ZNF385B: variants seen among roughly 807,000 people sequenced by gnomAD.
ZNF385B encodes the protein zinc finger protein 533.
A neutral mutation model predicts 39.2 loss-of-function variants in ZNF385B; 23 were observed. That is an observed-to-expected ratio of 0.59 (90% CI 0.42 to 0.83). The LOEUF is 0.83. Ranked by LOEUF, ZNF385B falls within the 40% of genes least tolerant of loss-of-function variation. The probability of loss-of-function intolerance (pLI) is 0.00; values close to 1 mark genes in which losing one functional copy is unlikely to be tolerated. For missense variants in ZNF385B, 552 were observed against 598.9 expected, an observed-to-expected ratio of 0.92 and a Z score of 0.82; for synonymous variants, 205 against 222.6, an observed-to-expected ratio of 0.92 and a Z score of 0.70.
intron 3 of ZNF385B, among the ~76,000 whole-genome samples, chr2:179,764,710 T>C (rs1056227764): frequency 1.3e-5 from 2 of 152,214 alleles, no homozygotes; most frequent in Admixed American, 6.5e-5. Flanking sequence ...CTTTCAAATA[T>C]CACTGTTTTT....
Position 179,524,551 on chromosome 2 carries a change from C to CAAAAAAA in ZNF385B, c.442-5920_442-5914dup, listed in dbSNP as rs770219234. On this transcript the variant is annotated intron_variant, in intron 4 of 9. Transcript: ENST00000410066. ...TGGGTGACAGAGCGAGACTCCGTCT[C>CAAAAAAA]AAAAAAAAAAAAAAAAAAAAAAAAA... Among the ~76,000 whole-genome samples the CAAAAAAA allele has an allele frequency of 2.5e-4, 15 of 60,992 alleles. 2 individuals are homozygous for CAAAAAAA. Among genetic ancestry groups the CAAAAAAA allele is most frequent in the South Asian group, 9.3e-4 (1 of 1,074 alleles). The allele number at this position is 60,992 out of a possible 152,430, so 40.0% of individuals were successfully genotyped here.
At chr2:179,660,191 G>A (rs1357080317) in intron 3 of ZNF385B, 1 of 152,500 alleles carries the variant, frequency 6.6e-6, no homozygotes, top group Non-Finnish European at 1.5e-5. Context: ...TGCAGATTGA[G>A]TGTGAGCCTT....
At position 179,518,641 on chromosome 2, in the gene ZNF385B, G is replaced by A; in HGVS notation, c.442-3C>T. 6.4e-7 allele frequency: 1 copy of A among 1,555,946 alleles called. No individual in the cohort carries two copies. Among genetic ancestry groups the A allele is most frequent in the Non-Finnish European group, 8.7e-7 (1 of 1,151,500 alleles). ...ACCGCTTTTTGCACAGGATCCATCT[G>A]AAGAACAAATGAAAAAATAGTCAAT... is the stretch of plus-strand genomic sequence containing the variant. On this transcript the variant is annotated splice_polypyrimidine_tract_variant and splice_region_variant and intron_variant, in intron 4 of 9. Transcript: ENST00000410066.
intron 3 of ZNF385B, among the ~76,000 whole-genome samples, chr2:179,586,700 AC>A (rs1687102703): frequency 1.3e-5 from 2 of 152,130 alleles, no homozygotes; most frequent in South Asian, 4.1e-4. Flanking sequence ...AGGAGCTATT[AC>A]TCTTTTTTGG....
chr2:179,642,824 A>T (rs1353824803), intron 3 of ZNF385B, among the ~76,000 whole-genome samples: 1 of 152,172 alleles, frequency 6.6e-6, no homozygotes, highest in Non-Finnish European at 1.5e-5. Flanking sequence ...AGTAGTAAAA[A>T]TGATTAATTT....
chr2:179,740,623 G>C (rs1282384078), intron 3 of ZNF385B, among the ~76,000 whole-genome samples: 1 of 152,124 alleles, frequency 6.6e-6, no homozygotes, highest in Non-Finnish European at 1.5e-5. Flanking sequence ...GGTATTTTGC[G>C]ATAACAAACA....
chr2:179,661,567 G>A (rs553881603), intron 3 of ZNF385B, among the ~76,000 whole-genome samples: 10 of 152,076 alleles, frequency 6.6e-5, no homozygotes, highest in African/African-American at 2.4e-4. Context: ...AGGTGATGCT[G>A]GTATTACTTG....
intron 5 of ZNF385B, among the ~76,000 whole-genome samples, chr2:179,493,515 A>ACATATGTGTGTACATATATGCGTATG (rs2105667566): frequency 6.6e-6 from 1 of 151,582 alleles, no homozygotes; most frequent in South Asian, 2.1e-4. Flanking sequence ...ATATGCGTAT[A>ACATATGTGTGTACATATATGCGTATG]CATATGTGTG....
At position 179,602,259 on chromosome 2, in the gene ZNF385B, T is replaced by C. The variant is rs540412871; in HGVS notation, c.299-57290A>G. On this transcript the variant is annotated intron_variant, in intron 3 of 9. Coordinates refer to ENST00000410066, the MANE Select transcript of ZNF385B (RefSeq NM_152520.6). ...TTAACTAAAACACAACATGTATGCT[T>C]TCTTTCTTGAGACAAAGGCTCTGTC... 3.3e-5 allele frequency among the ~76,000 whole-genome samples: 5 copies of C among 152,312 alleles called. No homozygotes were observed. In the South Asian group the frequency reaches 1.0e-3, roughly 32 times the overall value.
intron 3 of ZNF385B, among the ~76,000 whole-genome samples, chr2:179,658,975 C>T (rs1694135088): frequency 6.6e-6 from 1 of 152,124 alleles, no homozygotes. Flanking sequence ...TGGGGCTTCA[C>T]CATGTTGGCC....
At position 179,499,804 on chromosome 2, in the gene ZNF385B, A is replaced by C. The variant is rs2056592059; in HGVS notation, c.553-16370T>G. ...GTCCTAGCTAGAGTGATCAGACAAG[A>C]GAAGGATATAAAGGACCTCCAAATT... On this transcript the variant is annotated intron_variant, in intron 5 of 9. Transcript: ENST00000410066. Among the ~76,000 whole-genome samples the C allele has an allele frequency of 2.0e-5, 3 of 152,058 alleles. No individual in the cohort carries two copies. The South Asian group carries it at 6.2e-4, about 31-fold the overall frequency.
chr2:179,855,811 C>T (rs1392070213), intron 1 of ZNF385B, among the ~76,000 whole-genome samples: 3 of 152,052 alleles, frequency 2.0e-5, no homozygotes, highest in Non-Finnish European at 4.4e-5. Context: ...CCACAGTGTG[C>T]ACAGTACTCT....
chr2:179,471,658 A>G (rs1219724066), intron 6 of ZNF385B, among the ~76,000 whole-genome samples: 1 of 152,240 alleles, frequency 6.6e-6, no homozygotes, highest in Non-Finnish European at 1.5e-5. Context: ...AGACCCACTG[A>G]TAAATCTTAT....
At chr2:179,820,356 T>C (rs1329227714) in intron 1 of ZNF385B, among the ~76,000 whole-genome samples, 1 of 152,100 alleles carries the variant, frequency 6.6e-6, no homozygotes, top group Non-Finnish European at 1.5e-5. Context: ...TCTAAATTTG[T>C]TGATTTGTAT....
intron 3 of ZNF385B, among the ~76,000 whole-genome samples, chr2:179,623,273 T>G (rs2106167034): frequency 6.8e-6 from 1 of 146,834 alleles, no homozygotes; most frequent in East Asian, 2.0e-4. Flanking sequence ...ACATTTGTCT[T>G]TTTTTTTTTT....
At chr2:179,535,077 C>T (rs1338874655) in intron 4 of ZNF385B, among the ~76,000 whole-genome samples, 1 of 152,092 alleles carries the variant, frequency 6.6e-6, no homozygotes, top group Non-Finnish European at 1.5e-5. Flanking sequence ...TTTGGGTCTA[C>T]CTGGGAAAAA....
intron 3 of ZNF385B, among the ~76,000 whole-genome samples, chr2:179,599,767 C>G (rs1193602796): frequency 6.6e-6 from 1 of 152,170 alleles, no homozygotes; most frequent in Non-Finnish European, 1.5e-5. Context: ...CAAGCAGTCT[C>G]TTGAAAATTC....
rs562473811 is a variant in ZNF385B at position 179,572,085 on chromosome 2, G to A, written c.299-27116C>T. ...AGTTGGAGGTTGGCAGTGAGGACTA[G>A]GGTGTCTACCTTCTTGTTGAACAGG... is the stretch of plus-strand genomic sequence containing the variant. On this transcript the variant is annotated intron_variant, in intron 3 of 9. Transcript: ENST00000410066. 2.5e-3 allele frequency among the ~76,000 whole-genome samples: 376 copies of A among 152,190 alleles called. 1 individual carries two copies. Among genetic ancestry groups the A allele is most frequent in the Non-Finnish European group, 4.0e-3 (270 of 68,014 alleles).
At chr2:179,472,496 AT>A (rs1470900212) in intron 6 of ZNF385B, among the ~76,000 whole-genome samples, 1 of 152,230 alleles carries the variant, frequency 6.6e-6, no homozygotes, top group Admixed American at 6.5e-5. Context: ...AAGTTCATAT[AT>A]TTCAAAGCAA....
Sources: allele counts gnomAD v4.1 joint callset (sites outside exome capture counted in the v4.1 genomes callset), GRCh38; gene constraint gnomAD v4.1.1; transcripts MANE v1.5; gene names NCBI Gene and HGNC (gene_info 2026-07-23, HGNC 2026-07-21).